The following SMIM17 variants were observed in gnomAD, a reference collection of about 807,000 sequenced individuals.
SMIM17 encodes the protein small integral membrane protein 17.
A neutral mutation model predicts 12.2 loss-of-function variants in SMIM17; 10 were observed. That is an observed-to-expected ratio of 0.82 (90% CI 0.50 to 1.39). The LOEUF (loss-of-function observed/expected upper bound fraction) is 1.39, where lower values mean the gene tolerates loss of function less well. Ranked by LOEUF, SMIM17 falls within the 40% of genes most tolerant of loss-of-function variation. The probability of loss-of-function intolerance (pLI) is 0.00; values close to 1 mark genes in which losing one functional copy is unlikely to be tolerated. For missense variants in SMIM17, 136 were observed against 118.2 expected, an observed-to-expected ratio of 1.15 and a Z score of -0.70; for synonymous variants, 50 against 44.1, an observed-to-expected ratio of 1.13 and a Z score of -0.53.
At chr19:56,646,383 G>A (rs1309403705) in intron 2 of SMIM17, among the ~76,000 whole-genome samples, 2 of 152,146 alleles carry the variant, frequency 1.3e-5, no homozygotes, top group African/African-American at 4.8e-5. Context: ...AACTGGGCGT[G>A]GTCTTATACC....
At chr19:56,647,439 GA>G (rs2045073101) in intron 2 of SMIM17, 118 bp from the exon 3 acceptor site, 1 of 658,674 alleles carries the variant, frequency 1.5e-6, no homozygotes, top group Admixed American at 2.8e-5. Context: ...GAGAGAGAGA[GA>G]GAGAGAGAGA....
At position 56,655,104 on chromosome 19, in the gene SMIM17, G is replaced by T. The variant is rs1203494373; in HGVS notation, c.248G>T (p.Gly83Val). 5.8e-6 allele frequency: 4 copies of T among 689,964 alleles called. No individual in the cohort carries two copies. In the East Asian group the frequency reaches 8.1e-5, roughly 14 times the overall value. The allele number at this position is 689,964 out of a possible 1,614,324, so 42.7% of individuals were successfully genotyped here. Reference protein sequence around the residue: ...EEDDESEGSQGFVEWSKAPQQ... With the variant: ...EEDDESEGSQVFVEWSKAPQQ... The stretch of plus-strand genomic sequence containing the variant: ...TCCTTTTCCTTTTTTCTGTTTCAGG[G>T]CTTTGTGGAGTGGTCAAAAGCTCCA... Residue 83 changes from glycine to valine, a missense_variant and splice_region_variant, in exon 4 of 4, where the codon GGC becomes GTC. Transcript: ENST00000598409.
rs2045145317 is a variant in SMIM17 at position 56,655,737 on chromosome 19, A to G, written c.*524A>G. 6.5e-6 allele frequency: 1 copy of G among 153,500 alleles called. No homozygotes were observed. The highest frequency in any genetic ancestry group is 2.4e-5 in the African/African-American group (1 of 41,466). 9.5% of individuals were successfully genotyped at this position (153,500 alleles called of 1,614,324 possible). A position where few individuals can be genotyped will look rare whatever the true frequency, so the allele number is the denominator to read the frequency against. ...CTTGCATCATAGAAAGACTTGGGTAACTTTTACCTTTTCTATGCTTTTCAA... is the reference window on the plus strand; with the variant it reads ...CTTGCATCATAGAAAGACTTGGGTAGCTTTTACCTTTTCTATGCTTTTCAA... On this transcript the variant is annotated 3_prime_UTR_variant, in exon 4 of 4. Coordinates refer to ENST00000598409, the MANE Select transcript of SMIM17 (RefSeq NM_001193628.2).
chr19:56,646,621 T>G (rs1201780337), intron 2 of SMIM17, among the ~76,000 whole-genome samples: 5 of 152,066 alleles, frequency 3.3e-5, no homozygotes, highest in Non-Finnish European at 7.4e-5. Flanking sequence ...GAGAATGGAT[T>G]GTAGGGCTAG....
intron 1 of SMIM17, among the ~76,000 whole-genome samples, chr19:56,644,978 T>C (rs1159703755): frequency 6.6e-6 from 1 of 152,212 alleles, no homozygotes; most frequent in African/African-American, 2.4e-5. Context: ...CCCAAAGTGC[T>C]AGGATTACAG....
At position 56,652,958 on chromosome 19, in the gene SMIM17, T is replaced by C. The variant is rs542390009; in HGVS notation, c.247-2145T>C. 9.8e-5 allele frequency among the ~76,000 whole-genome samples: 15 copies of C among 152,336 alleles called. 1 individual carries two copies. The highest frequency in any genetic ancestry group is 1.9e-4 in the African/African-American group (8 of 41,590). ...ATTAGGTGAGGCATCCATGGGTCTA[T>C]TATGTGTGATGTGTGTAAAACTATT... On this transcript the variant is annotated intron_variant, in intron 3 of 3. Coordinates refer to ENST00000598409, the MANE Select transcript of SMIM17 (RefSeq NM_001193628.2).
chr19:56,643,558 G>A (rs568970992), intron 1 of SMIM17, among the ~76,000 whole-genome samples: 1 of 152,152 alleles, frequency 6.6e-6, no homozygotes, highest in Non-Finnish European at 1.5e-5. Flanking sequence ...CGCTCGTCTC[G>A]CTGGGGCTTG....
In SMIM17 at chr19:56,647,598, C is replaced by A. The variant is rs575575427; in HGVS notation, c.210C>A (p.Ser70Arg). 18 of 1,535,824 alleles carry A rather than the reference C, an allele frequency of 1.2e-5. No individual in the cohort carries two copies. The South Asian group carries it at 2.0e-4, about 17-fold the overall frequency. The change falls in exon 3 of 4, where the codon AGC (serine) becomes AGA (arginine). Residue 70 changes from serine (S) to arginine (R), a missense_variant. Transcript: ENST00000598409. ...AGACTGGGCTTTCCCAGGAGTGGAGCTCGGTGGAGGAAGATGACGAATCAG... is the reference window on the plus strand; with the variant it reads ...AGACTGGGCTTTCCCAGGAGTGGAGATCGGTGGAGGAAGATGACGAATCAG... ...SQETGLSQEW[S>R]SVEEDDESEG...
intron 3 of SMIM17, among the ~76,000 whole-genome samples, chr19:56,651,757 C>T (rs1600620639): frequency 6.6e-6 from 1 of 152,068 alleles, no homozygotes; most frequent in African/African-American, 2.4e-5. Flanking sequence ...GTGCCTCAGG[C>T]TGTACACCTA....
rs1043830376 is a variant in SMIM17 at position 56,656,206 on chromosome 19, A to C, written c.*993A>C. Among the ~76,000 whole-genome samples the C allele has an allele frequency of 6.6e-6, 1 of 152,106 alleles. No homozygotes were observed. The highest frequency in any genetic ancestry group is 1.5e-5 in the Non-Finnish European group (1 of 68,012). ...TGATCCGCCCGCCTTGGCCTCCCAA[A>C]GTGCTGGGATTACAGATGTGAGCCA... On this transcript the variant is annotated 3_prime_UTR_variant, in exon 4 of 4. Transcript: ENST00000598409.
chr19:56,647,535 C>A, intron 2 of SMIM17, 23 bp from the exon 3 acceptor site: 1 of 1,525,940 alleles, frequency 6.6e-7, no homozygotes, highest in Middle Eastern at 1.7e-4. Context: ...GCTCCTTTTT[C>A]CTCCACTCCC....
At chr19:56,654,923 C>G (rs1475922104) in intron 3 of SMIM17, among the ~76,000 whole-genome samples, 180 bp from the exon 4 acceptor site, 1 of 152,142 alleles carries the variant, frequency 6.6e-6, no homozygotes, top group Non-Finnish European at 1.5e-5. Context: ...TCTGAGAGAG[C>G]ATAGTTATGT....
chr19:56,647,578 G>A lies in SMIM17; in HGVS notation c.190G>A (p.Gly64Arg). The A allele has an allele frequency of 1.3e-6, 2 of 1,535,782 alleles. No homozygotes were observed. Among genetic ancestry groups the A allele is most frequent in the Non-Finnish European group, 1.7e-6 (2 of 1,146,724 alleles). ...DEKDLSSQET[G>R]LSQEWSSVEE... ...CCCAGACCTGTCTTCTCAAGAGACTGGGCTTTCCCAGGAGTGGAGCTCGGT... is the reference window on the plus strand; with the variant it reads ...CCCAGACCTGTCTTCTCAAGAGACTAGGCTTTCCCAGGAGTGGAGCTCGGT... Residue 64 changes from glycine to arginine, a missense_variant, in exon 3 of 4, where the codon GGG (glycine) becomes AGG (arginine). Coordinates refer to ENST00000598409, the MANE Select transcript of SMIM17 (RefSeq NM_001193628.2).
In SMIM17 at chr19:56,647,454, G is replaced by A. The variant is rs948093457; in HGVS notation, c.170-104G>A. The A allele has an allele frequency of 1.0e-5, 7 of 684,490 alleles. No homozygotes were observed. The Admixed American group carries it at 1.1e-4, about 11-fold the overall frequency. The allele number at this position is 684,490 out of a possible 1,614,324, so 42.4% of individuals were successfully genotyped here. ...GAGAGAGAGAGAGAGAGAGAGAGGA[G>A]GCTATTACTAGAAAAGGGACAAGAT... On this transcript the variant is annotated intron_variant, in intron 2 of 3. Transcript: ENST00000598409.
intron 2 of SMIM17, among the ~76,000 whole-genome samples, chr19:56,646,107 G>C (rs895893304): frequency 1.3e-5 from 2 of 152,194 alleles, no homozygotes; most frequent in African/African-American, 4.8e-5. Context: ...TGCAGCCTCA[G>C]AGAGCTGGTG....
At chr19:56,644,773 T>G (rs2045049131) in intron 1 of SMIM17, among the ~76,000 whole-genome samples, 1 of 151,032 alleles carries the variant, frequency 6.6e-6, no homozygotes, top group African/African-American at 2.4e-5. Context: ...TCCTCTTGAT[T>G]GACTCATTGA....
intron 2 of SMIM17, among the ~76,000 whole-genome samples, chr19:56,647,042 C>T (rs1049198851): frequency 3.9e-5 from 6 of 152,050 alleles, no homozygotes; most frequent in African/African-American, 1.4e-4. Flanking sequence ...CCAGTCTATT[C>T]AGCTTAGGGA....
chr19:56,649,267 G>A (rs1600618634), intron 3 of SMIM17, among the ~76,000 whole-genome samples: 1 of 152,298 alleles, frequency 6.6e-6, no homozygotes, highest in East Asian at 1.9e-4. Flanking sequence ...AGCAGTGGGA[G>A]GTTTGGGTGA....
chr19:56,655,478 C>T lies in SMIM17; in HGVS notation c.*265C>T. On this transcript the variant is annotated 3_prime_UTR_variant, in exon 4 of 4. Transcript: ENST00000598409. ...AAGTGCTAATTAATCATTAAGATGCCACCAACTGGAAGATATCTCCTGACT... is the reference window on the plus strand; with the variant it reads ...AAGTGCTAATTAATCATTAAGATGCTACCAACTGGAAGATATCTCCTGACT... 2.5e-6 allele frequency: 1 copy of T among 405,232 alleles called. No homozygotes were observed. Among genetic ancestry groups the T allele is most frequent in the South Asian group, 9.8e-5 (1 of 10,248 alleles). The allele number at this position is 405,232 out of a possible 1,614,324, so 25.1% of individuals were successfully genotyped here.
Sources: allele counts gnomAD v4.1 joint callset (sites outside exome capture counted in the v4.1 genomes callset), GRCh38; gene constraint gnomAD v4.1.1; transcripts MANE v1.5; gene names NCBI Gene and HGNC (gene_info 2026-07-23, HGNC 2026-07-21).